CAST: variants seen among roughly 807,000 people sequenced by gnomAD.
The protein encoded by CAST is MIR583 host.
Under a neutral mutation model 119.6 loss-of-function variants are expected in CAST, and 76 were observed. That is an observed-to-expected ratio of 0.64 (90% CI 0.53 to 0.77). The LOEUF (loss-of-function observed/expected upper bound fraction) is 0.77. Among genes scored for constraint, CAST ranks in the 30% least tolerant of loss-of-function variants. CAST has a pLI of 0.00. For missense variants in CAST, 953 were observed against 946.5 expected, an observed-to-expected ratio of 1.01 and a Z score of -0.09; for synonymous variants, 319 against 331.6, an observed-to-expected ratio of 0.96 and a Z score of 0.41.
intron 1 of CAST, among the ~76,000 whole-genome samples, chr5:96,609,904 T>C (rs1747328592): frequency 1.3e-5 from 2 of 152,130 alleles, no homozygotes; most frequent in Non-Finnish European, 2.9e-5. Context: ...TGGGGGACTG[T>C]GGGCATGGCA....
At chr5:96,365,691 A>T in the CAST span, among the ~76,000 whole-genome samples, 11 of 152,134 alleles carry the variant, frequency 7.2e-5, no homozygotes, top group Admixed American at 6.5e-4. Context: ...ATCTTCCTCC[A>T]TCCCTTTATT....
At chr5:96,319,834 A>G in the CAST span, among the ~76,000 whole-genome samples, 2 of 151,980 alleles carry the variant, frequency 1.3e-5, no homozygotes, top group African/African-American at 2.4e-5. Flanking sequence ...GAACCTAGAA[A>G]AAGGCCAGAT....
chr5:96,362,404 A>G, the CAST span, among the ~76,000 whole-genome samples: 1 of 152,184 alleles, frequency 6.6e-6, no homozygotes, highest in East Asian at 1.9e-4. Context: ...TTGAGGAATC[A>G]CCACACTGTC....
chr5:96,731,553 C>A (rs1232772539), intron 9 of CAST, among the ~76,000 whole-genome samples: 1 of 140,176 alleles, frequency 7.1e-6, no homozygotes, highest in Non-Finnish European at 1.5e-5. Context: ...GCACATTGTG[C>A]AGGTTAGTTA....
the CAST span, among the ~76,000 whole-genome samples, chr5:96,043,632 G>C: frequency 6.6e-6 from 1 of 152,164 alleles, no homozygotes; most frequent in Non-Finnish European, 1.5e-5. Context: ...TTAACATCTA[G>C]AGGTAAGAAA....
At chr5:96,227,616 A>G in the CAST span, among the ~76,000 whole-genome samples, 1 of 152,202 alleles carries the variant, frequency 6.6e-6, no homozygotes, top group African/African-American at 2.4e-5. Flanking sequence ...AGGGGGAAAA[A>G]GTGCCATCAT....
chr5:96,501,086 G>A, the CAST span, among the ~76,000 whole-genome samples: 457 of 152,272 alleles, frequency 3.0e-3, 2 homozygotes, highest in Non-Finnish European at 5.1e-3. Flanking sequence ...GCCTGGCTGA[G>A]GCGTCAACCT....
At chr5:96,413,800 CAAAAA>C in the CAST span, among the ~76,000 whole-genome samples, 4 of 105,700 alleles carry the variant, frequency 3.8e-5, no homozygotes, top group Non-Finnish European at 5.5e-5. Flanking sequence ...GACTCTGTCT[CAAAAA>C]AAAAAAAAAA....
the CAST span, among the ~76,000 whole-genome samples, chr5:95,980,995 A>G: frequency 6.6e-6 from 1 of 152,168 alleles, no homozygotes; most frequent in East Asian, 1.9e-4. Flanking sequence ...CACAGGGAGC[A>G]ATACAACCTC....
intron 1 of CAST, among the ~76,000 whole-genome samples, chr5:96,581,593 T>TA (rs1746769499): frequency 6.6e-6 from 1 of 152,118 alleles, no homozygotes; most frequent in African/African-American, 2.4e-5. Flanking sequence ...TGCAAAGCCT[T>TA]AAAAACAACC....
the CAST span, among the ~76,000 whole-genome samples, chr5:96,077,823 A>G: frequency 3.9e-5 from 6 of 152,302 alleles, no homozygotes; most frequent in Middle Eastern, 3.4e-3. Context: ...CCATAAGCCA[A>G]ATAAACCCCT....
At chr5:96,708,824 G>A (rs1045115663) in intron 3 of CAST, among the ~76,000 whole-genome samples, 1 of 152,202 alleles carries the variant, frequency 6.6e-6, no homozygotes, top group South Asian at 2.1e-4. Flanking sequence ...GGGATTACAG[G>A]TGTGAGCTGC....
the CAST span, among the ~76,000 whole-genome samples, chr5:96,430,272 T>C: frequency 6.6e-6 from 1 of 152,240 alleles, no homozygotes; most frequent in Non-Finnish European, 1.5e-5. Flanking sequence ...TACTCAGTAC[T>C]AAATTTGAGG....
chr5:96,317,149 C>A, the CAST span, among the ~76,000 whole-genome samples: 9 of 151,970 alleles, frequency 5.9e-5, no homozygotes, highest in African/African-American at 2.2e-4. Flanking sequence ...TTATTTAAAG[C>A]AAGTCACACG....
At chr5:96,695,261 G>A (rs182213785) in intron 2 of CAST, among the ~76,000 whole-genome samples, 1 of 152,072 alleles carries the variant, frequency 6.6e-6, no homozygotes, top group Admixed American at 6.5e-5. Context: ...GTTCTGAGAG[G>A]CTTTATTCTT....
chr5:96,374,532 A>G, the CAST span, among the ~76,000 whole-genome samples: 3 of 152,044 alleles, frequency 2.0e-5, no homozygotes, highest in Admixed American at 1.3e-4. Context: ...TATGCACTAG[A>G]CTCTCTGCAT....
chr5:96,438,388 T>C, the CAST span, among the ~76,000 whole-genome samples: 1 of 152,132 alleles, frequency 6.6e-6, no homozygotes, highest in Non-Finnish European at 1.5e-5. Context: ...TTTATAGACC[T>C]TTATATTTTT....
chr5:96,281,052 C>T, the CAST span, among the ~76,000 whole-genome samples: 1 of 152,218 alleles, frequency 6.6e-6, no homozygotes, highest in Non-Finnish European at 1.5e-5. Flanking sequence ...TCAGTTTAGA[C>T]CTCTCTGTCT....
intron 1 of CAST, among the ~76,000 whole-genome samples, chr5:96,537,692 A>C (rs1745844115): frequency 6.6e-6 from 1 of 152,202 alleles, no homozygotes; most frequent in Non-Finnish European, 1.5e-5. Context: ...GCAGAAAAAC[A>C]AAGGGTGGAT....
Sources: gnomAD v4.1 joint callset for allele counts (sites outside exome capture counted in the v4.1 genomes callset) on GRCh38, gnomAD v4.1.1 for gene constraint, MANE v1.5 for transcripts, NCBI Gene and HGNC (gene_info 2026-07-23, HGNC 2026-07-21) for gene names.